CACNA1A: variants seen among roughly 807,000 people sequenced by gnomAD.
CACNA1A encodes voltage-dependent P/Q-type calcium channel subunit alpha-1A.
In CACNA1A, 57 loss-of-function variants were observed where a neutral mutation model predicts 262.4. That is an observed-to-expected ratio of 0.22 (90% CI 0.18 to 0.27). CACNA1A has a LOEUF of 0.27. CACNA1A is among the 10% of genes least tolerant of loss of function. The pLI is 1.00. For missense variants in CACNA1A, 2,526 were observed against 3,562.8 expected, an observed-to-expected ratio of 0.71 and a Z score of 7.41; for synonymous variants, 1,431 against 1,419.3, an observed-to-expected ratio of 1.01 and a Z score of -0.18.
intron 3 of CACNA1A, among the ~76,000 whole-genome samples, chr19:13,395,273 C>CAA (rs58840618): frequency 1.0e-4 from 9 of 88,900 alleles, no homozygotes; most frequent in Non-Finnish European, 1.5e-4. Flanking sequence ...GACTCCATCT[C>CAA]AAAAAAAAAA....
At chr19:13,472,822 C>T (rs755086388) in intron 1 of CACNA1A, among the ~76,000 whole-genome samples, 1 of 152,184 alleles carries the variant, frequency 6.6e-6, no homozygotes, top group East Asian at 1.9e-4. Context: ...CATACCCATG[C>T]TTTAGCCTCT....
intron 1 of CACNA1A, among the ~76,000 whole-genome samples, chr19:13,459,799 G>T (rs2061084118): frequency 6.6e-6 from 1 of 152,086 alleles, no homozygotes; most frequent in Non-Finnish European, 1.5e-5. Context: ...ACTTCCTTTG[G>T]ACCGGCTCTG....
chr19:13,260,828 A>G (rs1334064627), intron 26 of CACNA1A: 1 of 151,684 alleles, frequency 6.6e-6, no homozygotes, highest in Non-Finnish European at 1.5e-5. Context: ...TTTAAAATTT[A>G]TTTTGTAGGA....
intron 5 of CACNA1A, among the ~76,000 whole-genome samples, chr19:13,360,261 GTGTGTA>G (rs769816777): frequency 1.9e-5 from 2 of 103,364 alleles, no homozygotes; most frequent in African/African-American, 6.7e-5. Flanking sequence ...GTGTGTGTGT[GTGTGTA>G]TATATATATA....
rs1485890276 is a variant in CACNA1A, at chr19:13,467,025, T to C, written c.294-11813A>G. 3.3e-5 allele frequency among the ~76,000 whole-genome samples: 5 copies of C among 152,170 alleles called. No individual in the cohort carries two copies. In the East Asian group the frequency reaches 9.7e-4, roughly 29 times the overall value. ...CACTGGGATTACAGGCGTGAGCCAC[T>C]GCATCCAGCTACAGGGAAGTTAATG... On this transcript the variant is annotated intron_variant, in intron 1 of 46. Coordinates refer to ENST00000360228, the MANE Select transcript of CACNA1A (RefSeq NM_001127222.2).
intron 10 of CACNA1A, 106 bp downstream of exon 10, chr19:13,330,138 A>G (rs2058441453): frequency 1.4e-6 from 1 of 718,378 alleles, no homozygotes; most frequent in Non-Finnish European, 2.4e-6. Flanking sequence ...TGGAGCTGAG[A>G]CCCAAATCCA....
intron 31 of CACNA1A, among the ~76,000 whole-genome samples, chr19:13,243,294 T>C (rs1036359067): frequency 1.3e-5 from 2 of 152,194 alleles, no homozygotes; most frequent in African/African-American, 4.8e-5. Flanking sequence ...TCTGGCTCAC[T>C]GGAGCTGAAG....
At chr19:13,222,427 ACT>A (rs34423977) in intron 38 of CACNA1A, among the ~76,000 whole-genome samples, 2,613 of 112,582 alleles carry the variant, frequency 0.023, 40 homozygotes, top group Non-Finnish European at 0.034. Flanking sequence ...ATGAAGTCTC[ACT>A]CTGTCACCCA....
chr19:13,265,906 G>A (rs866550219), intron 24 of CACNA1A, among the ~76,000 whole-genome samples: 19 of 150,620 alleles, frequency 1.3e-4, no homozygotes, highest in South Asian at 1.0e-3. Flanking sequence ...AGTGAATGGC[G>A]TGATCTCAGC....
chr19:13,476,162 T>C (rs1978506008), intron 1 of CACNA1A, among the ~76,000 whole-genome samples: 1 of 152,162 alleles, frequency 6.6e-6, no homozygotes, highest in Non-Finnish European at 1.5e-5. Flanking sequence ...TCCCTGGACA[T>C]TTTCCTGCTC....
At chr19:13,245,564 T>C (rs1465391863) in intron 30 of CACNA1A, 6 of 399,632 alleles carry the variant, frequency 1.5e-5, no homozygotes, top group Non-Finnish European at 2.3e-5. Context: ...TCTCCAGCAT[T>C]TTTGAGGGCT....
rs945477986 is a variant in CACNA1A at position 13,208,675 on chromosome 19, G to A, written c.6780+81C>T. On this transcript the variant is annotated intron_variant, in intron 46 of 46. Coordinates refer to ENST00000360228, the MANE Select transcript of CACNA1A (RefSeq NM_001127222.2). ...GGATCCGGGGACCTTTGCCTAGAGTGGCTGTTGGATGGGGTATCCCCTTCT... is the reference window on the plus strand; with the variant it reads ...GGATCCGGGGACCTTTGCCTAGAGTAGCTGTTGGATGGGGTATCCCCTTCT... 19 of 1,440,948 alleles carry A rather than the reference G, an allele frequency of 1.3e-5. No individual in the cohort carries two copies. In the Admixed American group the frequency reaches 2.2e-4, roughly 16 times the overall value. 89.3% of individuals were successfully genotyped at this position (1,440,948 alleles called of 1,614,324 possible).
intron 1 of CACNA1A, among the ~76,000 whole-genome samples, chr19:13,494,702 A>T (rs1981289994): frequency 6.6e-6 from 1 of 152,224 alleles, no homozygotes; most frequent in African/African-American, 2.4e-5. Flanking sequence ...CAGGAAACTT[A>T]CAAATCATGG....
At chr19:13,478,929 T>A (rs1978907056) in intron 1 of CACNA1A, among the ~76,000 whole-genome samples, 1 of 152,178 alleles carries the variant, frequency 6.6e-6, no homozygotes, top group Non-Finnish European at 1.5e-5. Flanking sequence ...ATCCCAGCAC[T>A]TTGGAAGGCT....
intron 30 of CACNA1A, among the ~76,000 whole-genome samples, chr19:13,247,570 C>G (rs1985580): frequency 0.94 from 142,727 of 152,030 alleles, 67,001 homozygotes; most frequent in East Asian, 0.97. Flanking sequence ...CGTGGTGGTG[C>G]GCGCCTGTAG....
chr19:13,325,828 T>C (rs1298234290), intron 10 of CACNA1A, among the ~76,000 whole-genome samples: 1 of 152,234 alleles, frequency 6.6e-6, no homozygotes, highest in African/African-American at 2.4e-5. Flanking sequence ...TTTGACCATA[T>C]GTATACACTA....
In CACNA1A at chr19:13,228,821, T is replaced by C. The variant is rs757835012; in HGVS notation, c.5528+1261A>G. ...CTGAAAGGAGAAGAAAGGGGGTTAGTGCAGGCAATGGGTTCACACGGGCTC... is the reference window on the plus strand; with the variant it reads ...CTGAAAGGAGAAGAAAGGGGGTTAGCGCAGGCAATGGGTTCACACGGGCTC... On this transcript the variant is annotated intron_variant, in intron 36 of 46. Coordinates refer to ENST00000360228, the MANE Select transcript of CACNA1A (RefSeq NM_001127222.2). The C allele has an allele frequency of 1.1e-5, 15 of 1,386,884 alleles. No individual in the cohort carries two copies. In the South Asian group the frequency reaches 1.8e-4, roughly 17 times the overall value. The allele number at this position is 1,386,884 out of a possible 1,614,324, so 85.9% of individuals were successfully genotyped here. A position where few individuals can be genotyped will look rare whatever the true frequency, so the allele number is the denominator to read the frequency against.
intron 1 of CACNA1A, among the ~76,000 whole-genome samples, chr19:13,496,620 G>A (rs1053689670): frequency 1.3e-5 from 2 of 152,184 alleles, no homozygotes; most frequent in African/African-American, 4.8e-5. Context: ...TGATTCAGCT[G>A]ATCATTCAGA....
At chr19:13,281,475 G>A (rs1401939629) in intron 22 of CACNA1A, among the ~76,000 whole-genome samples, 1 of 151,980 alleles carries the variant, frequency 6.6e-6, no homozygotes, top group Admixed American at 6.6e-5. Flanking sequence ...CGGTAAGGCA[G>A]GGTTTCTCAA....
Sources: gnomAD v4.1 joint callset for allele counts (sites outside exome capture counted in the v4.1 genomes callset) on GRCh38, gnomAD v4.1.1 for gene constraint, MANE v1.5 for transcripts, NCBI Gene and HGNC (gene_info 2026-07-23, HGNC 2026-07-21) for gene names.